Variants in LINGO2 observed in about 807,000 individuals in gnomAD.
The protein encoded by LINGO2 is leucine rich repeat and Ig domain containing 2.
A neutral mutation model predicts 30.6 loss-of-function variants in LINGO2; 14 were observed. That is an observed-to-expected ratio of 0.46 (90% confidence interval 0.30 to 0.72). The LOEUF (loss-of-function observed/expected upper bound fraction) is 0.72, where lower values mean the gene tolerates loss of function less well. LINGO2 is among the 30% of genes least tolerant of loss of function. The pLI is 0.07. For missense variants in LINGO2, 729 were observed against 751.7 expected (o/e 0.97, Z 0.35); for synonymous variants, 317 against 288.5 (o/e 1.10, Z -1.00).
At chr9:29,132,269 T>C in the LINGO2 span, among the ~76,000 whole-genome samples, 1 of 152,100 alleles carries the variant, frequency 6.6e-6, no homozygotes, top group Non-Finnish European at 1.5e-5. Flanking sequence ...AAGGCTGATT[T>C]GTGCTGACTT....
At chr9:28,144,125 T>C (rs1461144770) in intron 4 of LINGO2, among the ~76,000 whole-genome samples, 1 of 152,184 alleles carries the variant, frequency 6.6e-6, no homozygotes, top group East Asian at 1.9e-4. Flanking sequence ...TAAAATAGTT[T>C]GTATTTCTTA....
the LINGO2 span, among the ~76,000 whole-genome samples, chr9:29,175,126 G>C: frequency 6.6e-6 from 1 of 152,090 alleles, no homozygotes; most frequent in Non-Finnish European, 1.5e-5. Context: ...GGGTGTGGTG[G>C]TGCATGCCTG....
At chr9:28,877,889 G>A in the LINGO2 span, among the ~76,000 whole-genome samples, 1 of 152,144 alleles carries the variant, frequency 6.6e-6, no homozygotes, top group Non-Finnish European at 1.5e-5. Flanking sequence ...AATGAGCATG[G>A]AATGTTCTTC....
At chr9:28,732,979 C>T in the LINGO2 span, among the ~76,000 whole-genome samples, 16 of 152,276 alleles carry the variant, frequency 1.1e-4, no homozygotes, top group Non-Finnish European at 1.5e-4. Context: ...TGAAGGCTTA[C>T]CAGACCCATG....
At chr9:29,211,069 T>A in the LINGO2 span, among the ~76,000 whole-genome samples, 1 of 152,214 alleles carries the variant, frequency 6.6e-6, no homozygotes, top group African/African-American at 2.4e-5. Context: ...CCTGGAATAT[T>A]CCACACCCGA....
the LINGO2 span, among the ~76,000 whole-genome samples, chr9:28,799,207 C>A: frequency 6.6e-6 from 1 of 151,934 alleles, no homozygotes; most frequent in Non-Finnish European, 1.5e-5. Flanking sequence ...TGGCAATGAA[C>A]CAGTATGTCA....
the LINGO2 span, among the ~76,000 whole-genome samples, chr9:28,755,928 T>G: frequency 2.0e-5 from 3 of 152,046 alleles, no homozygotes; most frequent in Non-Finnish European, 4.4e-5. Context: ...GGCTTTGAAA[T>G]GTCTTGATTA....
chr9:28,076,159 T>G (rs1587814911), intron 4 of LINGO2, among the ~76,000 whole-genome samples: 1 of 152,252 alleles, frequency 6.6e-6, no homozygotes, highest in Non-Finnish European at 1.5e-5. Flanking sequence ...CCCCACATTT[T>G]CTTCACAAAT....
chr9:28,528,453 AC>A (rs971083330), intron 1 of LINGO2, among the ~76,000 whole-genome samples: 1 of 152,190 alleles, frequency 6.6e-6, no homozygotes, highest in African/African-American at 2.4e-5. Context: ...TTTAGTTATT[AC>A]ACAGGCCAAT....
intron 4 of LINGO2, among the ~76,000 whole-genome samples, chr9:28,172,022 A>AAC (rs1228498787): frequency 5.6e-5 from 5 of 89,222 alleles, no homozygotes; most frequent in Non-Finnish European, 6.4e-5. Flanking sequence ...GTCTCAAAAA[A>AAC]AAAAAAAAAA....
chr9:28,934,754 A>C, the LINGO2 span, among the ~76,000 whole-genome samples: 1 of 152,172 alleles, frequency 6.6e-6, no homozygotes, highest in Non-Finnish European at 1.5e-5. Flanking sequence ...ATTCAATTTT[A>C]AGTTTATAGC....
intron 1 of LINGO2, among the ~76,000 whole-genome samples, chr9:28,573,532 A>T (rs1378138165): frequency 6.6e-6 from 1 of 152,106 alleles, no homozygotes; most frequent in East Asian, 1.9e-4. Flanking sequence ...GTCAACATTC[A>T]CATCAAAATG....
At chr9:28,385,313 T>G (rs1421122623) in intron 2 of LINGO2, among the ~76,000 whole-genome samples, 2 of 152,132 alleles carry the variant, frequency 1.3e-5, no homozygotes, top group African/African-American at 4.8e-5. Flanking sequence ...TCACCTGAAG[T>G]GATTTAAAAT....
intron 2 of LINGO2, among the ~76,000 whole-genome samples, chr9:28,433,949 C>CTCTCTCTATATATATATATATA (rs1225323260): frequency 2.8e-4 from 25 of 88,530 alleles, no homozygotes; most frequent in African/African-American, 8.5e-4. Context: ...CTCTCTCTCT[C>CTCTCTCTATATATATATATATA]TATATATATA....
chr9:29,053,021 C>T, the LINGO2 span, among the ~76,000 whole-genome samples: 1 of 152,096 alleles, frequency 6.6e-6, no homozygotes, highest in African/African-American at 2.4e-5. Context: ...AAAAGGTCTT[C>T]ATTCATCTGT....
chr9:28,003,364 TAG>T (rs988970114), intron 5 of LINGO2, among the ~76,000 whole-genome samples: 1,529 of 148,614 alleles, frequency 0.01, 30 homozygotes, highest in African/African-American at 0.034. Context: ...GATAGATAGA[TAG>T]ATAGATAGAT....
the LINGO2 span, among the ~76,000 whole-genome samples, chr9:28,903,134 CTAAA>C: frequency 6.6e-6 from 1 of 150,610 alleles, no homozygotes. Context: ...TTCAGCTAAT[CTAAA>C]TAAGAAAAGA....
At chr9:28,254,961 G>A (rs1404609710) in intron 4 of LINGO2, among the ~76,000 whole-genome samples, 1 of 151,884 alleles carries the variant, frequency 6.6e-6, no homozygotes, top group Non-Finnish European at 1.5e-5. Flanking sequence ...TTGCTCCTAT[G>A]TGTCCATGTG....
chr9:28,483,556 A>G (rs974934743), intron 1 of LINGO2, among the ~76,000 whole-genome samples: 2 of 151,954 alleles, frequency 1.3e-5, no homozygotes, highest in African/African-American at 4.8e-5. Flanking sequence ...GAAAAAAAAA[A>G]AGATAAAAAA....
Sources: gnomAD v4.1 joint callset for allele counts (sites outside exome capture counted in the v4.1 genomes callset) on GRCh38, gnomAD v4.1.1 for gene constraint, MANE v1.5 for transcripts, NCBI Gene and HGNC (gene_info 2026-07-23, HGNC 2026-07-21) for gene names.